Variants in SLC22A2 observed in about 807,000 individuals in gnomAD.
SLC22A2 encodes the protein organic cation transporter 2.
Under a neutral mutation model 60.5 loss-of-function variants are expected in SLC22A2, and 46 were observed. The observed-to-expected ratio is 0.76, with a 90% CI of 0.60 to 0.97. SLC22A2 has a LOEUF of 0.97. SLC22A2 is among the 50% of genes least tolerant of loss of function. SLC22A2 has a pLI of 0.00. For synonymous variants in SLC22A2, 303 were observed against 267.0 expected (o/e 1.13, Z -1.31); for missense variants, 701 against 706.6 (o/e 0.99, Z 0.09).
chr6:160,218,085 G>A (rs1374761246), intron 10 of SLC22A2: 1 of 189,362 alleles, frequency 5.3e-6, no homozygotes, highest in Non-Finnish European at 1.1e-5. Flanking sequence ...TGAATCAGCT[G>A]TGGGCTGCTC....
intron 5 of SLC22A2, 94 bp from the exon 6 acceptor site, chr6:160,245,639 C>A (rs925729958): frequency 2.8e-5 from 17 of 611,442 alleles, no homozygotes; most frequent in Middle Eastern, 2.7e-4. Flanking sequence ...CCGTCCTGAG[C>A]GCCCATCTCA....
chr6:160,218,124 C>A, intron 10 of SLC22A2: 1 of 194,198 alleles, frequency 5.1e-6, no homozygotes, highest in South Asian at 8.5e-5. Flanking sequence ...ACAGAATTTC[C>A]CCCACCTGGA....
chr6:160,242,463 C>G, intron 7 of SLC22A2, 61 bp from the exon 8 acceptor site: 1 of 974,366 alleles, frequency 1.0e-6, no homozygotes, highest in South Asian at 1.3e-5. Flanking sequence ...TCAGACAGTG[C>G]TCCAGAGTGG....
intron 1 of SLC22A2, 104 bp downstream of exon 1, chr6:160,258,240 G>T: frequency 7.8e-7 from 1 of 1,287,420 alleles, no homozygotes; most frequent in Non-Finnish European, 1.1e-6. Flanking sequence ...AGGCCAAAGA[G>T]ATGTCCAGGC....
At chr6:160,241,964 G>A (rs1479103917) in intron 8 of SLC22A2, among the ~76,000 whole-genome samples, 1 of 151,202 alleles carries the variant, frequency 6.6e-6, no homozygotes, top group Non-Finnish European at 1.5e-5. Context: ...ATGATGGGAG[G>A]AGCAATTGTT....
intron 4 of SLC22A2, 48 bp downstream of exon 4, chr6:160,249,168 A>G (rs1783142340): frequency 7.5e-7 from 1 of 1,330,692 alleles, no homozygotes. Context: ...ACTTCTTAGC[A>G]GAATAAAATA....
At chr6:160,235,624 A>T (rs1462329845) in intron 9 of SLC22A2, among the ~76,000 whole-genome samples, 6 of 150,282 alleles carry the variant, frequency 4.0e-5, no homozygotes, top group Admixed American at 3.3e-4. Context: ...GGCTAAAGTT[A>T]AAGGGGTATC....
intron 10 of SLC22A2, among the ~76,000 whole-genome samples, chr6:160,218,690 TCAGCAGCAGCAGCAA>T (rs1782582363): frequency 1.2e-3 from 1 of 868 alleles, no homozygotes; most frequent in Non-Finnish European, 2.4e-3. Flanking sequence ...AGTAACAGCA[TCAGCAGCAGCAGCAA>T]CAGCAACAGC....
chr6:160,218,485 A>C (rs1045621403), intron 10 of SLC22A2, among the ~76,000 whole-genome samples: 1 of 152,252 alleles, frequency 6.6e-6, no homozygotes, highest in African/African-American at 2.4e-5. Context: ...CAGTAACAAC[A>C]ACAAAAGCAA....
At chr6:160,256,569 A>T in intron 2 of SLC22A2, 45 bp downstream of exon 2, 1 of 1,401,386 alleles carries the variant, frequency 7.1e-7, no homozygotes. Flanking sequence ...GTGTTCTCCA[A>T]ACCTTTGGGA....
chr6:160,241,383 G>A (rs573524802), intron 9 of SLC22A2, 91 bp downstream of exon 9: 26 of 770,140 alleles, frequency 3.4e-5, no homozygotes, highest in Middle Eastern at 2.4e-4. Context: ...TTACTAATAG[G>A]CATGACACCT....
Position 160,242,437 on chromosome 6 carries a change from A to G in SLC22A2, c.1280-35T>C, listed in dbSNP as rs8177518. The G allele has an allele frequency of 2.7e-3, 3,055 of 1,138,420 alleles. 79 individuals are homozygous for G. The East Asian group carries it at 0.057, about 21-fold the overall frequency. 70.5% of individuals were successfully genotyped at this position (1,138,420 alleles called of 1,614,324 possible). A position where few individuals can be genotyped will look rare whatever the true frequency, so the allele number is the denominator to read the frequency against. ...AAAAGAACAGTACTTATCCGTACAC[A>G]GATGATTCCTCATCTTCAGACAGTG... On this transcript the variant is annotated intron_variant, in intron 7 of 10. Transcript: ENST00000366953.
Position 160,258,504 on chromosome 6 carries a change from G to T in SLC22A2, c.254C>A (p.Ser85Tyr). Residue 85 changes from serine (S) to tyrosine (Y), a missense_variant, in exon 1 of 11, where the codon TCC becomes TAC. Physicochemically the swap from Ser to Tyr is moderately radical, Grantham distance 144. Transcript: ENST00000366953. The part of the protein sequence containing the change: ...VPGPGPAGEA[S>Y]PRQCRRYEVD... The stretch of plus-strand genomic sequence containing the variant: ...CTCGTAGCGCCTACACTGTCTTGGG[G>T]AGGCTTCGCCCGCAGGTCCTGGGCC... 1.9e-6 allele frequency: 3 copies of T among 1,614,116 alleles called. No homozygotes were observed. Among genetic ancestry groups the T allele is most frequent in the Non-Finnish European group, 2.5e-6 (3 of 1,180,020 alleles).
In SLC22A2 at chr6:160,258,512, G is replaced by C; in HGVS notation, c.246C>G (p.Gly82=). The C allele has an allele frequency of 6.2e-7, 1 of 1,614,128 alleles. No homozygotes were observed. The highest frequency in any genetic ancestry group is 1.1e-5 in the South Asian group (1 of 91,082). ...GCCTACACTGTCTTGGGGAGGCTTC[G>C]CCCGCAGGTCCTGGGCCCGGCACCG... ...NYTVPGPGPA[G]EASPRQCRRY... is the part of the protein sequence containing the mutation. Residue 82 remains glycine, a synonymous_variant, in exon 1 of 11, where the codon GGC becomes GGG. Coordinates refer to ENST00000366953, the MANE Select transcript of SLC22A2 (RefSeq NM_003058.4).
At position 160,217,359 on chromosome 6, in the gene SLC22A2, G is replaced by A. The variant is rs1476232732; in HGVS notation, c.*73C>T. The A allele has an allele frequency of 2.2e-6, 2 of 902,824 alleles. No homozygotes were observed. The highest frequency in any genetic ancestry group is 2.4e-5 in the East Asian group (1 of 40,906). The allele number at this position is 902,824 out of a possible 1,614,324, so 55.9% of individuals were successfully genotyped here. A position where few individuals can be genotyped will look rare whatever the true frequency, so the allele number is the denominator to read the frequency against. On this transcript the variant is annotated 3_prime_UTR_variant, in exon 11 of 11. Coordinates refer to ENST00000366953, the MANE Select transcript of SLC22A2 (RefSeq NM_003058.4). ...GGTTGAGTTGTATGGGCTTTGTGAT[G>A]AGTGCAGGGATTTCTACTTTTGGTC...
rs185914864 is a variant in SLC22A2 at position 160,231,039 on chromosome 6, G to C, written c.1502-6235C>G. On this transcript the variant is annotated intron_variant, in intron 9 of 10. Coordinates refer to ENST00000366953, the MANE Select transcript of SLC22A2 (RefSeq NM_003058.4). ...TGAGCTTTGGGTAACTCTTATGGTG[G>C]AGGGTAAGTCCGTCCCCTTCTTAAT... Among the ~76,000 whole-genome samples the C allele has an allele frequency of 3.0e-3, 450 of 151,976 alleles. 5 individuals are homozygous for C. The highest frequency in any genetic ancestry group is 2.9e-3 in the Non-Finnish European group (200 of 68,022).
chr6:160,230,984 C>T (rs1320419026), intron 9 of SLC22A2, among the ~76,000 whole-genome samples: 2 of 151,972 alleles, frequency 1.3e-5, no homozygotes. Context: ...GACCAATCAC[C>T]TCGGAAGCCC....
At chr6:160,239,238 T>A (rs1343591300) in intron 9 of SLC22A2, among the ~76,000 whole-genome samples, 1 of 152,146 alleles carries the variant, frequency 6.6e-6, no homozygotes, top group African/African-American at 2.4e-5. Flanking sequence ...CTATATAGTC[T>A]GAAAAGGGGA....
chr6:160,258,400 C>T lies in SLC22A2; in HGVS notation c.358G>A (p.Gly120Ser). The T allele has an allele frequency of 6.2e-7, 1 of 1,613,964 alleles. No individual in the cohort carries two copies. Among genetic ancestry groups the T allele is most frequent in the East Asian group, 2.2e-5 (1 of 44,868 alleles). Reference protein sequence around the residue: ...LDTNRSRLPLGPCRDGWVYET... With the variant: ...LDTNRSRLPLSPCRDGWVYET... ...TACACCCAGCCGTCCCGGCAGGGGCCCAGTGGCAGGCGGCTCCTGTTGGTG... is the reference window on the plus strand; with the variant it reads ...TACACCCAGCCGTCCCGGCAGGGGCTCAGTGGCAGGCGGCTCCTGTTGGTG... The change falls in exon 1 of 11, where the codon GGC (glycine) becomes AGC (serine). Residue 120 changes from glycine to serine, a missense_variant. Physicochemically the swap from Gly to Ser is moderately conservative, Grantham distance 56 (BLOSUM62 0). Transcript: ENST00000366953.
Sources: allele counts gnomAD v4.1 joint callset (sites outside exome capture counted in the v4.1 genomes callset), GRCh38; gene constraint gnomAD v4.1.1; transcripts MANE v1.5; gene names NCBI Gene and HGNC (gene_info 2026-07-23, HGNC 2026-07-21).